Variants in SYT9 observed in about 807,000 individuals in gnomAD.
The protein encoded by SYT9 is synaptotagmin-9.
SYT9 carries 22 observed loss-of-function variants against 48.4 expected under a neutral mutation model. The observed-to-expected ratio is 0.45, with a 90% CI of 0.32 to 0.65. The LOEUF (loss-of-function observed/expected upper bound fraction) is 0.65, where lower values mean the gene tolerates loss of function less well. Among genes scored for constraint, SYT9 ranks in the 30% least tolerant of loss-of-function variants. The pLI is 0.03. For missense variants in SYT9, 577 were observed against 622.0 expected (o/e 0.93, Z 0.77); for synonymous variants, 265 against 245.0 (o/e 1.08, Z -0.76).
intron 1 of SYT9, among the ~76,000 whole-genome samples, chr11:7,275,621 A>C (rs1031221160): frequency 6.6e-6 from 1 of 152,160 alleles, no homozygotes; most frequent in Non-Finnish European, 1.5e-5. Context: ...CCAGCCTTCA[A>C]TATACTGATA....
chr11:7,264,642 T>A (rs1042014388), intron 1 of SYT9, among the ~76,000 whole-genome samples: 6 of 151,964 alleles, frequency 3.9e-5, no homozygotes, highest in African/African-American at 1.4e-4. Flanking sequence ...GAGAATGAGA[T>A]GTTTGAAATC....
intron 3 of SYT9, among the ~76,000 whole-genome samples, chr11:7,343,057 G>A (rs189317041): frequency 1.3e-5 from 2 of 152,272 alleles, no homozygotes; most frequent in African/African-American, 4.8e-5. Flanking sequence ...ACATGGTAGG[G>A]GTACACTGGA....
chr11:7,339,498 C>G (rs187845052), intron 3 of SYT9, among the ~76,000 whole-genome samples: 73 of 152,226 alleles, frequency 4.8e-4, no homozygotes, highest in Non-Finnish European at 9.7e-4. Context: ...AACAGCCTTT[C>G]CTTTCTATAT....
rs182968814 is a variant in SYT9, at chr11:7,408,531, T to C, written c.1045-7511T>C. Among the ~76,000 whole-genome samples the C allele has an allele frequency of 2.6e-3, 395 of 152,364 alleles. 1 individual carries two copies. Among genetic ancestry groups the C allele is most frequent in the African/African-American group, 8.6e-3 (358 of 41,590 alleles). On this transcript the variant is annotated intron_variant, in intron 3 of 6. Transcript: ENST00000318881. ...CAATTTCTTCATTAGTGTTTTGTAG[T>C]TTTTCTTATAGAGATCTTTCAACGC...
chr11:7,373,087 T>C (rs1181644752), intron 3 of SYT9, among the ~76,000 whole-genome samples: 2 of 152,138 alleles, frequency 1.3e-5, no homozygotes, highest in African/African-American at 4.8e-5. Context: ...GGATAAATCC[T>C]ACTTGGCCGA....
upstream of SYT9, among the ~76,000 whole-genome samples, chr11:7,250,615 C>G (rs955506869): frequency 6.6e-6 from 1 of 152,182 alleles, no homozygotes; most frequent in Non-Finnish European, 1.5e-5. Context: ...CTTTGCAACT[C>G]TCTGGAGGCA....
At chr11:7,281,694 AT>A (rs1289052709) in intron 1 of SYT9, among the ~76,000 whole-genome samples, 1 of 152,216 alleles carries the variant, frequency 6.6e-6, no homozygotes, top group African/African-American at 2.4e-5. Flanking sequence ...AGATATGAGG[AT>A]TTGAGCCACC....
chr11:7,466,350 C>T (rs1465425658), intron 6 of SYT9, among the ~76,000 whole-genome samples: 1 of 152,158 alleles, frequency 6.6e-6, no homozygotes, highest in Non-Finnish European at 1.5e-5. Flanking sequence ...CCTTTGAAAG[C>T]AGGGGGAGTG....
intron 2 of SYT9, among the ~76,000 whole-genome samples, chr11:7,310,897 G>C (rs962752769): frequency 2.0e-5 from 3 of 152,228 alleles, no homozygotes; most frequent in Admixed American, 6.5e-5. Flanking sequence ...GTTAGGAAGA[G>C]CTGAGCATGT....
chr11:7,334,711 G>A lies in SYT9; in HGVS notation c.1044+20770G>A, dbSNP rs545607509. On this transcript the variant is annotated intron_variant, in intron 3 of 6. Coordinates refer to ENST00000318881, the MANE Select transcript of SYT9 (RefSeq NM_175733.4). The stretch of plus-strand genomic sequence containing the variant: ...ACACTACATTAGTTTAGATTTTCTA[G>A]GATTTTATAGAAATAAGCATCATAC... Among the ~76,000 whole-genome samples the A allele has an allele frequency of 2.4e-4, 32 of 134,960 alleles. No individual in the cohort carries two copies. The East Asian group carries it at 7.8e-3, about 33-fold the overall frequency. 88.5% of individuals were successfully genotyped at this position (134,960 alleles called of 152,430 possible).
chr11:7,456,362 A>G (rs12221747), intron 6 of SYT9, among the ~76,000 whole-genome samples: 73,602 of 152,170 alleles, frequency 0.48, 20,657 homozygotes, highest in African/African-American at 0.78. Flanking sequence ...AAAACAAGGT[A>G]CAGTCTGCAC....
At chr11:7,351,445 C>T (rs1168982269) in intron 3 of SYT9, among the ~76,000 whole-genome samples, 1 of 152,160 alleles carries the variant, frequency 6.6e-6, no homozygotes, top group East Asian at 1.9e-4. Flanking sequence ...TGAGAGCAGC[C>T]GCTGAGTTAC....
At chr11:7,431,356 C>T (rs12274250) in intron 6 of SYT9, among the ~76,000 whole-genome samples, 11,171 of 152,248 alleles carry the variant, frequency 0.073, 613 homozygotes, top group Non-Finnish European at 0.12. Context: ...CTGCTTCTGA[C>T]AGCCTAAGAA....
intron 3 of SYT9, among the ~76,000 whole-genome samples, chr11:7,383,721 C>T (rs937334515): frequency 6.6e-6 from 1 of 152,204 alleles, no homozygotes; most frequent in Non-Finnish European, 1.5e-5. Context: ...TTTCCTTTTC[C>T]AAAGGAGGAG....
intron 3 of SYT9, among the ~76,000 whole-genome samples, chr11:7,343,772 A>G (rs1327808013): frequency 5.3e-5 from 8 of 152,186 alleles, no homozygotes; most frequent in Non-Finnish European, 1.0e-4. Context: ...GACATATCCA[A>G]GACTGGGTAA....
intron 6 of SYT9, chr11:7,441,463 A>G (rs1239491723): frequency 6.6e-6 from 1 of 152,228 alleles, no homozygotes; most frequent in Non-Finnish European, 1.5e-5. Context: ...CACAAACTAG[A>G]TTGAACAAAG....
In SYT9 at chr11:7,417,977, C is replaced by A. The variant is rs200513272; in HGVS notation, c.1186C>A (p.Leu396Met). The A allele has an allele frequency of 1.2e-6, 2 of 1,613,918 alleles. No homozygotes were observed. Among genetic ancestry groups the A allele is most frequent in the African/African-American group, 2.7e-5 (2 of 75,024 alleles). ...GASDPYVKVS[L>M]MCDGRRLKKR... ...TCCAGATCCCTATGTGAAAGTCTCG[C>A]TGATGTGTGATGGCAGACGACTGAA... The change falls in exon 5 of 7, where the codon CTG becomes ATG. Residue 396 changes from leucine (L) to methionine (M), a missense_variant. Leu to Met is a conservative substitution (Grantham distance 15). Transcript: ENST00000318881.
intron 6 of SYT9, 148 bp downstream of exon 6, chr11:7,420,783 C>G (rs1847340014): frequency 5.2e-6 from 5 of 958,710 alleles, no homozygotes; most frequent in Middle Eastern, 3.1e-4. Flanking sequence ...TTGGGACTTG[C>G]ATTCAATTTG....
chr11:7,385,945 A>G (rs1471426041), intron 3 of SYT9, among the ~76,000 whole-genome samples: 1 of 152,220 alleles, frequency 6.6e-6, no homozygotes, highest in African/African-American at 2.4e-5. Context: ...TTTAGCCTGT[A>G]GATAAGTCTG....
Sources: gnomAD v4.1 joint callset for allele counts (sites outside exome capture counted in the v4.1 genomes callset) on GRCh38, gnomAD v4.1.1 for gene constraint, MANE v1.5 for transcripts, NCBI Gene and HGNC (gene_info 2026-07-23, HGNC 2026-07-21) for gene names.